Variants in CASK observed in about 807,000 individuals in gnomAD.
CASK encodes calcium/calmodulin dependent serine protein kinase, also known as peripheral plasma membrane protein CASK.
A neutral mutation model predicts 82.9 loss-of-function variants in CASK; 4 were observed. The observed-to-expected ratio is 0.05, with a 90% CI of 0.02 to 0.11. CASK has a LOEUF of 0.11. CASK is among the 10% of genes least tolerant of loss of function. CASK has a pLI of 1.00. For synonymous variants in CASK, 259 were observed against 253.5 expected, an observed-to-expected ratio of 1.02 and a Z score of -0.20; for missense variants, 358 against 720.9, an observed-to-expected ratio of 0.50 and a Z score of 5.76.
In CASK at chrX:41,890,819, T is replaced by C. The variant is rs1164951837; in HGVS notation, c.59+32111A>G. Among the ~76,000 whole-genome samples the C allele has an allele frequency of 4.5e-5, 5 of 111,495 alleles. No individual in the cohort carries two copies. The East Asian group carries it at 1.4e-3, about 32-fold the overall frequency. On this transcript the variant is annotated intron_variant, in intron 1 of 26. Coordinates refer to ENST00000378163, the MANE Select transcript of CASK (RefSeq NM_001367721.1). ...AACCCCACAAATTAAGTTGTCTACATACCAAGAGCTATTTGTATTTGTTCC... is the reference window on the plus strand; with the variant it reads ...AACCCCACAAATTAAGTTGTCTACACACCAAGAGCTATTTGTATTTGTTCC...
intron 2 of CASK, among the ~76,000 whole-genome samples, chrX:41,813,885 C>T (rs1173749984): frequency 9.0e-6 from 1 of 111,598 alleles, no homozygotes; most frequent in Non-Finnish European, 1.9e-5. Context: ...ATAACTCAAA[C>T]AAATTTACAA....
At chrX:41,641,344 G>A (rs780013234) in intron 8 of CASK, among the ~76,000 whole-genome samples, 2 of 111,633 alleles carry the variant, frequency 1.8e-5, no homozygotes, top group Non-Finnish European at 3.8e-5. Context: ...TGGAAAACAC[G>A]GGTAATTGGT....
At chrX:41,888,637 G>GTA (rs757631977) in intron 1 of CASK, among the ~76,000 whole-genome samples, 10 of 105,166 alleles carry the variant, frequency 9.5e-5, no homozygotes, top group African/African-American at 3.5e-4. Flanking sequence ...ATATATGTAT[G>GTA]TATATATATG....
intron 2 of CASK, among the ~76,000 whole-genome samples, chrX:41,802,214 A>G (rs2070014427): frequency 1.8e-5 from 2 of 111,759 alleles, no homozygotes; most frequent in Admixed American, 1.9e-4. Flanking sequence ...TATGAAACCT[A>G]TGAAGACAAG....
At chrX:41,812,591 C>A (rs1391896238) in intron 2 of CASK, among the ~76,000 whole-genome samples, 2 of 111,324 alleles carry the variant, frequency 1.8e-5, no homozygotes, top group East Asian at 5.6e-4. Flanking sequence ...GGACGTATCT[C>A]AAAATAATAA....
chrX:41,641,694 C>G (rs754144703), intron 8 of CASK, among the ~76,000 whole-genome samples: 1 of 110,000 alleles, frequency 9.1e-6, no homozygotes, highest in Non-Finnish European at 1.9e-5. Context: ...AGAAATAATT[C>G]CTATCTTTTT....
chrX:41,532,769 G>T (rs924933137), intron 24 of CASK, among the ~76,000 whole-genome samples: 3 of 111,443 alleles, frequency 2.7e-5, no homozygotes, highest in African/African-American at 9.8e-5. Context: ...TTTAAGAGAA[G>T]CCCTTTCTCT....
intron 4 of CASK, among the ~76,000 whole-genome samples, chrX:41,744,347 CTTT>C (rs746371317): frequency 1.0e-5 from 1 of 98,509 alleles, no homozygotes; most frequent in Non-Finnish European, 2.1e-5. Context: ...ATATTTACTT[CTTT>C]TTTTTTTTTT....
At chrX:41,623,275 T>C (rs2066314580) in intron 10 of CASK, among the ~76,000 whole-genome samples, 1 of 112,310 alleles carries the variant, frequency 8.9e-6, no homozygotes, top group African/African-American at 3.2e-5. Flanking sequence ...ATAATCAAAA[T>C]AGAAAATTAT....
In CASK at chrX:41,923,034, G is replaced by C. The variant is rs1300841817; in HGVS notation, c.-46C>G. The stretch of plus-strand genomic sequence containing the variant: ...CGCAGCGTGGAGGGCTTCGAAAACG[G>C]GGGTGGGGGCGCCCAAGAGCTCAGT... On this transcript the variant is annotated 5_prime_UTR_variant, in exon 1 of 27. Transcript: ENST00000378163. The C allele has an allele frequency of 2.6e-6, 3 of 1,139,083 alleles. No individual in the cohort carries two copies. The highest frequency in any genetic ancestry group is 3.6e-6 in the Non-Finnish European group (3 of 830,145). 93.9% of individuals were successfully genotyped at this position (1,139,083 alleles called of 1,213,427 possible). A position where few individuals can be genotyped will look rare whatever the true frequency, so the allele number is the denominator to read the frequency against.
intron 25 of CASK, among the ~76,000 whole-genome samples, chrX:41,529,066 A>C (rs1475393912): frequency 8.9e-6 from 1 of 112,312 alleles, no homozygotes; most frequent in East Asian, 2.8e-4. Flanking sequence ...CCGCTGGCCC[A>C]AAGAGACTCA....
chrX:41,842,125 C>T lies in CASK; in HGVS notation c.172+10990G>A, dbSNP rs1414691236. Among the ~76,000 whole-genome samples the T allele has an allele frequency of 2.7e-5, 3 of 111,813 alleles. No individual in the cohort carries two copies. The South Asian group carries it at 1.1e-3, about 42-fold the overall frequency. On this transcript the variant is annotated intron_variant, in intron 2 of 26. Transcript: ENST00000378163. The stretch of plus-strand genomic sequence containing the variant: ...TCCCAATACCACTGTTTTGAAGAAA[C>T]TATTCTTTCTCCATTGAACTGTCTT...
intron 2 of CASK, among the ~76,000 whole-genome samples, chrX:41,810,651 C>T (rs1208821150): frequency 4.5e-5 from 5 of 111,572 alleles, no homozygotes; most frequent in African/African-American, 1.3e-4. Flanking sequence ...TAAAGACCAT[C>T]GATGCTAGGA....
chrX:41,701,624 T>C (rs1044483552), intron 5 of CASK, among the ~76,000 whole-genome samples: 1 of 112,405 alleles, frequency 8.9e-6, no homozygotes, highest in East Asian at 2.8e-4. Flanking sequence ...GCTGCCATAG[T>C]GCCTCAGTCA....
chrX:41,850,221 A>G (rs2071236186), intron 2 of CASK, among the ~76,000 whole-genome samples: 1 of 112,271 alleles, frequency 8.9e-6, no homozygotes, highest in Non-Finnish European at 1.9e-5. Context: ...AATTTATTAC[A>G]CATTGTTTTC....
chrX:41,826,770 C>A (rs2070676675), intron 2 of CASK, among the ~76,000 whole-genome samples: 1 of 112,096 alleles, frequency 8.9e-6, no homozygotes, highest in African/African-American at 3.2e-5. Context: ...AGCCACCACG[C>A]CCAGCCAAGA....
intron 25 of CASK, 52 bp downstream of exon 25, chrX:41,530,955 G>A: frequency 9.6e-7 from 1 of 1,046,325 alleles, no homozygotes; most frequent in Non-Finnish European, 1.3e-6. Flanking sequence ...CAGAATCTGT[G>A]CTTATTGGCA....
intron 5 of CASK, among the ~76,000 whole-genome samples, chrX:41,706,168 G>A (rs1028111148): frequency 1.8e-5 from 2 of 111,747 alleles, no homozygotes; most frequent in African/African-American, 3.3e-5. Flanking sequence ...TTGCATGCAT[G>A]TTCATATTCA....
At chrX:41,717,253 G>A (rs1045480407) in intron 5 of CASK, among the ~76,000 whole-genome samples, 7 of 112,274 alleles carry the variant, frequency 6.2e-5, no homozygotes, top group Non-Finnish European at 1.3e-4. Flanking sequence ...CTCCACCCGC[G>A]AGACGCACGC....
Sources: allele counts gnomAD v4.1 joint callset (sites outside exome capture counted in the v4.1 genomes callset), GRCh38; gene constraint gnomAD v4.1.1; transcripts MANE v1.5; gene names NCBI Gene and HGNC (gene_info 2026-07-23, HGNC 2026-07-21).